LIN52: variants seen among roughly 807,000 people sequenced by gnomAD.
LIN52 encodes the protein protein lin-52 homolog.
LIN52 carries 4 observed loss-of-function variants against 18.5 expected under a neutral mutation model. That is an observed-to-expected ratio of 0.22 (90% CI 0.11 to 0.49). The LOEUF is 0.49. Ranked by LOEUF, LIN52 falls within the 20% of genes least tolerant of loss-of-function variation. The pLI is 0.97. For synonymous variants in LIN52, 34 were observed against 45.5 expected (o/e 0.75, Z 1.02); for missense variants, 102 against 139.5 (o/e 0.73, Z 1.35).
At chr14:74,090,365 T>A (rs939982284) in intron 1 of LIN52, among the ~76,000 whole-genome samples, 1 of 151,768 alleles carries the variant, frequency 6.6e-6, no homozygotes, top group Non-Finnish European at 1.5e-5. Flanking sequence ...AGATGGCGTC[T>A]CATTCTGTTG....
chr14:74,115,350 C>CT (rs199828208), intron 5 of LIN52, among the ~76,000 whole-genome samples: 107 of 151,776 alleles, frequency 7.0e-4, no homozygotes, highest in African/African-American at 2.4e-3. Context: ...TGAAGGCGAA[C>CT]TTTTTTTTTC....
intron 5 of LIN52, among the ~76,000 whole-genome samples, chr14:74,165,913 C>T (rs2061247679): frequency 6.7e-6 from 1 of 149,650 alleles, no homozygotes; most frequent in South Asian, 2.1e-4. Flanking sequence ...TTTTTTGAGA[C>T]AGAGTTTCGT....
chr14:74,125,096 T>C (rs1388955734), intron 5 of LIN52, among the ~76,000 whole-genome samples: 2 of 151,998 alleles, frequency 1.3e-5, no homozygotes, highest in Admixed American at 1.3e-4. Flanking sequence ...AATTAAGAAA[T>C]TAGCATGTTT....
intron 5 of LIN52, among the ~76,000 whole-genome samples, chr14:74,128,305 C>CGGAGA: frequency 6.6e-6 from 1 of 151,996 alleles, no homozygotes; most frequent in East Asian, 1.9e-4. Context: ...AGCAGAGTAC[C>CGGAGA]GGAGAGGAGA....
At chr14:74,198,856 T>G in intron 5 of LIN52, 66 bp from the exon 6 acceptor site, 2 of 1,175,172 alleles carry the variant, frequency 1.7e-6, no homozygotes, top group South Asian at 2.5e-5. Flanking sequence ...TTAAATTAAA[T>G]CTTCCTATGA....
At chr14:74,168,813 CA>C (rs2061259912) in intron 5 of LIN52, among the ~76,000 whole-genome samples, 1 of 152,166 alleles carries the variant, frequency 6.6e-6, no homozygotes, top group Non-Finnish European at 1.5e-5. Context: ...CCTGTAATCC[CA>C]AAACTTTGGG....
chr14:74,189,160 G>T (rs1397852908), intron 5 of LIN52, among the ~76,000 whole-genome samples: 1 of 152,136 alleles, frequency 6.6e-6, no homozygotes, highest in Non-Finnish European at 1.5e-5. Context: ...ACTAGTTGTT[G>T]TTCTTCTATC....
chr14:74,126,620 G>T (rs1294711636), intron 5 of LIN52, among the ~76,000 whole-genome samples: 2 of 152,184 alleles, frequency 1.3e-5, no homozygotes. Flanking sequence ...CTATATGAAG[G>T]CAGTTAGACA....
rs147136436 is a variant in LIN52, at chr14:74,145,695, G to C, written c.283+44457G>C. Among the ~76,000 whole-genome samples the C allele has an allele frequency of 1.7e-4, 26 of 152,334 alleles. No individual in the cohort carries two copies. In the East Asian group the frequency reaches 4.4e-3, roughly 26 times the overall value. ...AGAATTGTAAACTATAGTAATTAAAGATAGCCTTCCACATTTTCCACAGTA... is the reference window on the plus strand; with the variant it reads ...AGAATTGTAAACTATAGTAATTAAACATAGCCTTCCACATTTTCCACAGTA... On this transcript the variant is annotated intron_variant, in intron 5 of 5. Transcript: ENST00000555028.
chr14:74,125,587 A>C (rs900601745), intron 5 of LIN52, among the ~76,000 whole-genome samples: 1 of 152,096 alleles, frequency 6.6e-6, no homozygotes. Flanking sequence ...ACACATTCAC[A>C]TGTATGTTTA....
At chr14:74,114,772 A>G (rs900796125) in intron 5 of LIN52, among the ~76,000 whole-genome samples, 2 of 152,208 alleles carry the variant, frequency 1.3e-5, no homozygotes, top group African/African-American at 4.8e-5. Flanking sequence ...TAGATAGTGA[A>G]TGGTGAGTTA....
intron 5 of LIN52, among the ~76,000 whole-genome samples, chr14:74,165,513 C>CTTTT (rs71460962): frequency 1.0e-4 from 11 of 110,226 alleles, no homozygotes; most frequent in Middle Eastern, 5.1e-3. Flanking sequence ...GTTTTCTTTT[C>CTTTT]TTTTTTTTTT....
intron 5 of LIN52, chr14:74,113,991 CT>C: frequency 1.6e-5 from 3 of 182,560 alleles, no homozygotes; most frequent in Non-Finnish European, 2.9e-5. Context: ...CTTTTCTTTT[CT>C]TTTTTTGAGA....
At chr14:74,105,616 C>G (rs139057092) in intron 5 of LIN52, among the ~76,000 whole-genome samples, 28 of 150,400 alleles carry the variant, frequency 1.9e-4, no homozygotes, top group African/African-American at 5.9e-4. Flanking sequence ...TTCATCTACT[C>G]TAGGGGTTGG....
At chr14:74,157,553 ACCT>A (rs1218742593) in intron 5 of LIN52, among the ~76,000 whole-genome samples, 1 of 150,144 alleles carries the variant, frequency 6.7e-6, no homozygotes, top group Non-Finnish European at 1.5e-5. Flanking sequence ...CTCAGCTTCG[ACCT>A]CCTGGACTGA....
intron 5 of LIN52, among the ~76,000 whole-genome samples, chr14:74,195,795 A>C (rs1390011901): frequency 6.6e-6 from 1 of 152,226 alleles, no homozygotes; most frequent in Non-Finnish European, 1.5e-5. Context: ...GGCGGTGATT[A>C]CTGTAGCAGG....
At chr14:74,147,371 A>C (rs2061156683) in intron 5 of LIN52, among the ~76,000 whole-genome samples, 1 of 152,212 alleles carries the variant, frequency 6.6e-6, no homozygotes, top group Admixed American at 6.5e-5. Flanking sequence ...ATAAGAGCTG[A>C]AACTATAGAA....
chr14:74,143,098 C>T (rs2061138880), intron 5 of LIN52, among the ~76,000 whole-genome samples: 1 of 151,780 alleles, frequency 6.6e-6, no homozygotes, highest in South Asian at 2.1e-4. Context: ...CTAGGACAAG[C>T]GGGATGTGCA....
chr14:74,084,969 T>G lies in LIN52; in HGVS notation c.-6T>G. 6.9e-7 allele frequency: 1 copy of G among 1,449,312 alleles called. No homozygotes were observed. The highest frequency in any genetic ancestry group is 2.6e-5 in the East Asian group (1 of 38,062). The allele number at this position is 1,449,312 out of a possible 1,614,324, so 89.8% of individuals were successfully genotyped here. On this transcript the variant is annotated 5_prime_UTR_variant, in exon 1 of 6. Transcript: ENST00000555028. ...GTTGGCCACGTCACGTGACATGGGT[T>G]GGAAGATGGCGTCTCCCACAGACGG...
Sources: allele counts gnomAD v4.1 joint callset (sites outside exome capture counted in the v4.1 genomes callset), GRCh38; gene constraint gnomAD v4.1.1; transcripts MANE v1.5; gene names NCBI Gene and HGNC (gene_info 2026-07-23, HGNC 2026-07-21).